Variants in EHBP1 observed in about 807,000 individuals in gnomAD.
EHBP1 encodes the protein EH domain-binding protein 1.
A neutral mutation model predicts 144.0 loss-of-function variants in EHBP1; 55 were observed. The ratio of observed to expected loss-of-function variants is 0.38; its 90% CI spans 0.31 to 0.48. The LOEUF is 0.48. EHBP1 is among the 20% of genes least tolerant of loss of function. The probability of loss-of-function intolerance (pLI) is 0.98; values close to 1 mark genes in which losing one functional copy is unlikely to be tolerated. For missense variants in EHBP1, 1,200 were observed against 1,364.2 expected, an observed-to-expected ratio of 0.88 and a Z score of 1.90; for synonymous variants, 469 against 472.7, an observed-to-expected ratio of 0.99 and a Z score of 0.10.
At position 62,963,730 on chromosome 2, in the gene EHBP1, A is replaced by G. The variant is rs140917689; in HGVS notation, c.2460+8070A>G. On this transcript the variant is annotated intron_variant, in intron 14 of 22. Transcript: ENST00000431489. ...TATTAAAAAATCTAAGACCTTTAAT[A>G]ACATATAGAGTGAGTTTTTAGTTAA... Among the ~76,000 whole-genome samples the G allele has an allele frequency of 1.9e-3, 291 of 152,354 alleles. 1 individual carries two copies. Among genetic ancestry groups the G allele is most frequent in the African/African-American group, 6.7e-3 (280 of 41,586 alleles).
intron 5 of EHBP1, among the ~76,000 whole-genome samples, chr2:62,791,540 T>C (rs1225414661): frequency 6.6e-6 from 1 of 152,002 alleles, no homozygotes; most frequent in East Asian, 1.9e-4. Flanking sequence ...AAGAACATTT[T>C]AGTTTCATTT....
chr2:62,956,312 A>G (rs1428970409), intron 14 of EHBP1, among the ~76,000 whole-genome samples: 1 of 152,190 alleles, frequency 6.6e-6, no homozygotes, highest in Non-Finnish European at 1.5e-5. Flanking sequence ...GGACACAAAC[A>G]TCTTCATGAA....
intron 1 of EHBP1, chr2:62,706,264 A>T (rs1307620257): frequency 6.6e-6 from 1 of 152,586 alleles, no homozygotes; most frequent in Non-Finnish European, 1.5e-5. Flanking sequence ...CACCCTGCAC[A>T]GTCCACTTGC....
intron 13 of EHBP1, among the ~76,000 whole-genome samples, chr2:62,949,638 C>A (rs1242940011): frequency 6.6e-6 from 1 of 152,228 alleles, no homozygotes; most frequent in East Asian, 1.9e-4. Flanking sequence ...GAACATCATT[C>A]TAAAAATGTA....
intron 10 of EHBP1, among the ~76,000 whole-genome samples, chr2:62,891,236 CAG>C (rs2052441251): frequency 1.3e-5 from 2 of 150,490 alleles, no homozygotes; most frequent in Non-Finnish European, 3.0e-5. Flanking sequence ...GAAATTATAA[CAG>C]AATATAAACT....
chr2:62,847,570 C>T (rs954742322), intron 7 of EHBP1, among the ~76,000 whole-genome samples: 2 of 152,124 alleles, frequency 1.3e-5, no homozygotes, highest in African/African-American at 2.4e-5. Flanking sequence ...CATAGTGGCA[C>T]GCACCTATAG....
chr2:62,921,208 G>T (rs1015924016), intron 10 of EHBP1, among the ~76,000 whole-genome samples: 5 of 152,268 alleles, frequency 3.3e-5, no homozygotes, highest in Non-Finnish European at 4.4e-5. Context: ...CACTTTGGGA[G>T]GCTGAGGCGG....
At chr2:62,764,080 G>T (rs2040976924) in intron 3 of EHBP1, among the ~76,000 whole-genome samples, 186 bp from the exon 4 acceptor site, 1 of 152,018 alleles carries the variant, frequency 6.6e-6, no homozygotes, top group South Asian at 2.1e-4. Flanking sequence ...CAAGCTTAAT[G>T]CTTGAAAAGT....
At chr2:62,884,800 G>A (rs1306906513) in intron 10 of EHBP1, among the ~76,000 whole-genome samples, 1 of 152,212 alleles carries the variant, frequency 6.6e-6, no homozygotes, top group Non-Finnish European at 1.5e-5. Context: ...AGACTTTGCA[G>A]CATCAAAGCT....
intron 5 of EHBP1, among the ~76,000 whole-genome samples, chr2:62,775,704 A>G (rs1259773190): frequency 1.1e-4 from 16 of 152,320 alleles, no homozygotes; most frequent in Non-Finnish European, 1.5e-5. Context: ...GTATAATAGA[A>G]TGCTTTATAC....
chr2:62,831,315 C>A (rs1356555569), intron 7 of EHBP1, among the ~76,000 whole-genome samples, 157 bp downstream of exon 7: 1 of 152,046 alleles, frequency 6.6e-6, no homozygotes, highest in Non-Finnish European at 1.5e-5. Context: ...TCTCTGACAA[C>A]TTTCCATGCT....
chr2:62,724,802 G>A (rs535049556), intron 2 of EHBP1, among the ~76,000 whole-genome samples: 1 of 152,160 alleles, frequency 6.6e-6, no homozygotes, highest in Non-Finnish European at 1.5e-5. Flanking sequence ...CCTGAAATCC[G>A]CCTCCTGTCA....
At chr2:62,921,646 T>G (rs1181928905) in intron 10 of EHBP1, among the ~76,000 whole-genome samples, 1 of 151,894 alleles carries the variant, frequency 6.6e-6, no homozygotes, top group Non-Finnish European at 1.5e-5. Context: ...ATGATGGAAG[T>G]AAGTCCCTTC....
At chr2:62,760,567 A>C (rs1017931172) in intron 3 of EHBP1, among the ~76,000 whole-genome samples, 1 of 152,364 alleles carries the variant, frequency 6.6e-6, no homozygotes, top group Middle Eastern at 3.4e-3. Context: ...ACCAAGCTTT[A>C]GGATACCTGA....
Position 62,764,273 on chromosome 2 carries a change from G to C in EHBP1, c.170G>C (p.Ser57Thr), listed in dbSNP as rs1573213509. The change falls in exon 4 of 23, where the codon AGC becomes ACC. Residue 57 changes from serine to threonine, a missense_variant. This residue lies in a region of EHBP1 where 137 missense variants were observed against 190.1 expected (regional missense o/e 0.72). Transcript: ENST00000431489. ...TCATTTTTATTCTGGTAGGCACATA[G>C]CTGGCAACCTGGAATAAAAAATCCC... ...RSRRKSSKAHSWQPGIKNPYR... is the reference protein window; with the variant it reads ...RSRRKSSKAHTWQPGIKNPYR... The C allele has an allele frequency of 6.4e-7, 1 of 1,568,576 alleles. No individual in the cohort carries two copies. The highest frequency in any genetic ancestry group is 8.6e-7 in the Non-Finnish European group (1 of 1,160,884).
intron 21 of EHBP1, 88 bp from the exon 22 acceptor site, chr2:63,044,977 AG>A: frequency 1.1e-6 from 1 of 949,614 alleles, no homozygotes. Flanking sequence ...GAGAAATATA[AG>A]GAAACTGGAA....
intron 11 of EHBP1, among the ~76,000 whole-genome samples, chr2:62,943,316 C>T (rs566529796): frequency 7.5e-6 from 1 of 133,916 alleles, no homozygotes; most frequent in Non-Finnish European, 1.5e-5. Context: ...GCAGAGGTTG[C>T]GATGAGCCAA....
chr2:62,981,208 C>T (rs2058954634), intron 15 of EHBP1, among the ~76,000 whole-genome samples: 1 of 152,062 alleles, frequency 6.6e-6, no homozygotes, highest in African/African-American at 2.4e-5. Flanking sequence ...TGCACAGCTA[C>T]ATTTGTGTAA....
At chr2:63,043,189 A>C (rs2061747938) in intron 21 of EHBP1, among the ~76,000 whole-genome samples, 3 of 152,244 alleles carry the variant, frequency 2.0e-5, no homozygotes, top group African/African-American at 7.2e-5. Context: ...AGACTGATTT[A>C]AGAACAAGAA....
Sources: allele counts gnomAD v4.1 joint callset (sites outside exome capture counted in the v4.1 genomes callset), GRCh38; gene constraint gnomAD v4.1.1; regional missense constraint gnomAD v4.1.1; transcripts MANE v1.5; gene names NCBI Gene and HGNC (gene_info 2026-07-23, HGNC 2026-07-21).